LRP6: variants seen among roughly 807,000 people sequenced by gnomAD.
The protein encoded by LRP6 is low-density lipoprotein receptor-related protein 6.
A neutral mutation model predicts 184.1 loss-of-function variants in LRP6; 43 were observed. That is an observed-to-expected ratio of 0.23 (90% CI 0.18 to 0.30). LRP6 has a LOEUF of 0.30. LRP6 is among the 10% of genes least tolerant of loss of function. The pLI is 1.00. For synonymous variants in LRP6, 719 were observed against 684.9 expected (o/e 1.05, Z -0.78); for missense variants, 1,571 against 2,005.3 (o/e 0.78, Z 4.14).
chr12:12,155,520 A>G (rs1950139994), intron 12 of LRP6: 2 of 776,460 alleles, frequency 2.6e-6, no homozygotes, highest in Non-Finnish European at 4.6e-6. Context: ...ATTCTTGCCA[A>G]CAGAATTAAT....
intron 2 of LRP6, among the ~76,000 whole-genome samples, chr12:12,218,828 T>C (rs1458612295): frequency 6.6e-6 from 1 of 151,986 alleles, no homozygotes; most frequent in Non-Finnish European, 1.5e-5. Context: ...TACCCCCATC[T>C]CTTTAAAAAA....
chr12:12,165,619 T>G (rs964925012), intron 7 of LRP6, among the ~76,000 whole-genome samples: 12 of 152,330 alleles, frequency 7.9e-5, no homozygotes, highest in Admixed American at 3.3e-4. Flanking sequence ...GCACATTTGT[T>G]TTCAAATTAT....
chr12:12,186,618 G>GAC (rs1349765012), intron 4 of LRP6, among the ~76,000 whole-genome samples: 4 of 148,096 alleles, frequency 2.7e-5, no homozygotes, highest in Non-Finnish European at 4.4e-5. Flanking sequence ...GACCTCATAT[G>GAC]ATCTGCCTGC....
chr12:12,230,364 G>A (rs941564954), intron 2 of LRP6, among the ~76,000 whole-genome samples: 1 of 151,988 alleles, frequency 6.6e-6, no homozygotes, highest in African/African-American at 2.4e-5. Context: ...CCCTAATTTG[G>A]TAAGTATACT....
intron 2 of LRP6, among the ~76,000 whole-genome samples, chr12:12,217,484 G>C (rs1864379647): frequency 6.6e-6 from 1 of 152,084 alleles, no homozygotes; most frequent in African/African-American, 2.4e-5. Flanking sequence ...ATGTGCTTAA[G>C]TCATACTGAA....
chr12:12,213,896 TA>T (rs1864275156), intron 2 of LRP6, among the ~76,000 whole-genome samples: 1 of 152,198 alleles, frequency 6.6e-6, no homozygotes, highest in Non-Finnish European at 1.5e-5. Context: ...ACCATAGTTT[TA>T]ATTTTCATCT....
chr12:12,237,581 T>C (rs1366206024), intron 2 of LRP6, among the ~76,000 whole-genome samples: 7 of 152,212 alleles, frequency 4.6e-5, no homozygotes, highest in Non-Finnish European at 8.8e-5. Context: ...TGATCAACTG[T>C]AACATCACCT....
intron 2 of LRP6, among the ~76,000 whole-genome samples, chr12:12,238,182 C>A (rs1864971345): frequency 6.8e-6 from 1 of 146,144 alleles, no homozygotes; most frequent in Admixed American, 6.9e-5. Context: ...AAGTTAGGCA[C>A]AGCTGAAGAA....
At chr12:12,138,183 AG>A in intron 16 of LRP6, 141 bp downstream of exon 16, 1 of 740,148 alleles carries the variant, frequency 1.4e-6, no homozygotes, top group African/African-American at 1.8e-5. Context: ...AAAAAAAAAA[AG>A]CATGGAGAGT....
chr12:12,167,470 C>T (rs1330558441), intron 7 of LRP6, among the ~76,000 whole-genome samples: 1 of 151,948 alleles, frequency 6.6e-6, no homozygotes, highest in Non-Finnish European at 1.5e-5. Flanking sequence ...GGTGAAACCC[C>T]GTCTCTACTA....
At chr12:12,251,591 A>G (rs538509095) in intron 1 of LRP6, among the ~76,000 whole-genome samples, 157 of 151,928 alleles carry the variant, frequency 1.0e-3, no homozygotes, top group African/African-American at 3.6e-3. Flanking sequence ...GATGGTCTCG[A>G]TCTCCTGACC....
At chr12:12,256,374 A>G (rs942905517) in intron 1 of LRP6, among the ~76,000 whole-genome samples, 1 of 152,064 alleles carries the variant, frequency 6.6e-6, no homozygotes, top group Non-Finnish European at 1.5e-5. Context: ...CCTGAGCAAC[A>G]TGGTGAAACC....
In LRP6 at chr12:12,147,428, C is replaced by T; in HGVS notation, c.3335G>A (p.Arg1112Lys). Residue 1112 changes from arginine to lysine, a missense_variant, in exon 15 of 23, where the codon AGG (arginine) becomes AAG (lysine). Arg to Lys is a conservative substitution (Grantham distance 26). Transcript: ENST00000261349. ...SKPIALALDS[R>K]LGKLFWADSD... ...ATCAGCCCAAAAGAGCTTGCCCAGCCTGCTATCAAGGGCTAAAGCAATTGG... is the reference window on the plus strand; with the variant it reads ...ATCAGCCCAAAAGAGCTTGCCCAGCTTGCTATCAAGGGCTAAAGCAATTGG... 2 of 1,614,154 alleles carry T rather than the reference C, an allele frequency of 1.2e-6. No individual in the cohort carries two copies. Among genetic ancestry groups the T allele is most frequent in the Non-Finnish European group, 1.7e-6 (2 of 1,180,034 alleles).
rs946878720 is a variant in LRP6 at position 12,164,182 on chromosome 12, T to C, written c.2052+91A>G. The C allele has an allele frequency of 4.4e-5, 50 of 1,144,516 alleles. No homozygotes were observed. In the Middle Eastern group the frequency reaches 8.4e-4, roughly 19 times the overall value. 70.9% of individuals were successfully genotyped at this position (1,144,516 alleles called of 1,614,324 possible). A position where few individuals can be genotyped will look rare whatever the true frequency, so the allele number is the denominator to read the frequency against. On this transcript the variant is annotated intron_variant, in intron 9 of 22. Coordinates refer to ENST00000261349, the MANE Select transcript of LRP6 (RefSeq NM_002336.3). ...TTGTTGAACTCTGCCTGTCAAACAA[T>C]GAGGGAGGTGGGTCACAGCATGAAG...
intron 1 of LRP6, among the ~76,000 whole-genome samples, chr12:12,261,863 A>G (rs555310876): frequency 3.3e-5 from 5 of 152,328 alleles, no homozygotes. Context: ...GATGCAAAAC[A>G]TTAGTGGTTT....
At chr12:12,178,752 A>G (rs899242921) in intron 7 of LRP6, among the ~76,000 whole-genome samples, 2 of 152,130 alleles carry the variant, frequency 1.3e-5, no homozygotes, top group Admixed American at 6.6e-5. Context: ...TCTATGCAAA[A>G]TTTTCTATTA....
At chr12:12,195,007 A>G (rs1265156130) in intron 3 of LRP6, among the ~76,000 whole-genome samples, 2 of 152,072 alleles carry the variant, frequency 1.3e-5, no homozygotes, top group Non-Finnish European at 2.9e-5. Flanking sequence ...CTCCAGGTCT[A>G]TCCATATTGC....
At chr12:12,203,504 C>A (rs1863970390) in intron 2 of LRP6, 104 bp from the exon 3 acceptor site, 1 of 893,508 alleles carries the variant, frequency 1.1e-6, no homozygotes. Flanking sequence ...CAGTGGCTCA[C>A]ACTTGTAATC....
chr12:12,174,134 CAG>C lies in LRP6; in HGVS notation c.1545+5674_1545+5675del, dbSNP rs1863114144. Among the ~76,000 whole-genome samples, 3 of 150,656 alleles carry C rather than the reference CAG, an allele frequency of 2.0e-5. No homozygotes were observed. The East Asian group carries it at 5.8e-4, about 29-fold the overall frequency. ...TCAATCTTTCTTTTTTTTTTTTAAG[CAG>C]AGTCTTGCTCTGTTGTCCATGCTGG... is the stretch of plus-strand genomic sequence containing the variant. On this transcript the variant is annotated intron_variant, in intron 7 of 22. Coordinates refer to ENST00000261349, the MANE Select transcript of LRP6 (RefSeq NM_002336.3).
Sources: allele counts gnomAD v4.1 joint callset (sites outside exome capture counted in the v4.1 genomes callset), GRCh38; gene constraint gnomAD v4.1.1; transcripts MANE v1.5; gene names NCBI Gene and HGNC (gene_info 2026-07-23, HGNC 2026-07-21).